Variants in PRCD observed in about 807,000 individuals in gnomAD.
PRCD encodes the protein photoreceptor disk component PRCD.
A neutral mutation model predicts 10.1 loss-of-function variants in PRCD; 12 were observed. That is an observed-to-expected ratio of 1.18 (90% CI 0.76 to 1.92). The LOEUF (loss-of-function observed/expected upper bound fraction) is 1.92. Among genes scored for constraint, PRCD ranks in the 40% most tolerant of loss-of-function variants. The pLI is 0.00. For missense variants in PRCD, 61 were observed against 72.2 expected (o/e 0.84, Z 0.56); for synonymous variants, 31 against 26.2 (o/e 1.18, Z -0.56).
Position 76,544,918 on chromosome 17 carries a change from C to T in PRCD, c.*1268C>T, listed in dbSNP as rs572748485. On this transcript the variant is annotated 3_prime_UTR_variant, in exon 5 of 5. Coordinates refer to ENST00000592014, the MANE Select transcript of PRCD (RefSeq NM_001077620.3). ...TCCACGCCACTGTTCCGAGAACCTG[C>T]GCAGGAGGTGGTGGCTGCTCCAGGG... 1.5e-5 allele frequency: 7 copies of T among 456,752 alleles called. No homozygotes were observed. Among genetic ancestry groups the T allele is most frequent in the South Asian group, 3.1e-5 (2 of 64,568 alleles). The allele number at this position is 456,752 out of a possible 1,614,324, so 28.3% of individuals were successfully genotyped here.
intron 1 of PRCD, chr17:76,527,986 C>T (rs943036770): frequency 5.5e-5 from 20 of 362,294 alleles, no homozygotes; most frequent in Non-Finnish European, 9.3e-5. Context: ...AGGTCCTCTG[C>T]GCTGCTGTGG....
Position 76,540,680 on chromosome 17 carries a change from G to A in PRCD, c.143+107G>A, listed in dbSNP as rs2289607. 10 of 1,120,658 alleles carry A rather than the reference G, an allele frequency of 8.9e-6. No homozygotes were observed. Among genetic ancestry groups the A allele is most frequent in the Admixed American group, 1.9e-5 (1 of 52,338 alleles). 69.4% of individuals were successfully genotyped at this position (1,120,658 alleles called of 1,614,324 possible). A position where few individuals can be genotyped will look rare whatever the true frequency, so the allele number is the denominator to read the frequency against. On this transcript the variant is annotated intron_variant, in intron 2 of 4. Coordinates refer to ENST00000592014, the MANE Select transcript of PRCD (RefSeq NM_001077620.3). The surrounding 1 kb of genome is among the most constrained non-coding windows in gnomAD (Gnocchi z 5.0). Reference sequence around the variant, plus strand: ...GCCTGTGCGCGCCTGTGCGTGCACCGTATCCTGGCCCTTGCCCTAAGCACC... The same window carrying A: ...GCCTGTGCGCGCCTGTGCGTGCACCATATCCTGGCCCTTGCCCTAAGCACC...
chr17:76,540,306 G>T lies in PRCD; in HGVS notation c.74+91G>T. The T allele has an allele frequency of 7.0e-7, 1 of 1,423,634 alleles. No individual in the cohort carries two copies. Among genetic ancestry groups the T allele is most frequent in the Non-Finnish European group, 9.7e-7 (1 of 1,032,556 alleles). 88.2% of individuals were successfully genotyped at this position (1,423,634 alleles called of 1,614,324 possible). A position where few individuals can be genotyped will look rare whatever the true frequency, so the allele number is the denominator to read the frequency against. On this transcript the variant is annotated intron_variant, in intron 1 of 4. Coordinates refer to ENST00000592014, the MANE Select transcript of PRCD (RefSeq NM_001077620.3). This position sits in a 1 kb window ranked among gnomAD's most constrained non-coding sequence, Gnocchi z 5.0. ...ACCAAGCTGAAGGTGGGCAGGGGCTGCGTGAACCTTCAGCGGGGCTGGGAG... is the reference window on the plus strand; with the variant it reads ...ACCAAGCTGAAGGTGGGCAGGGGCTTCGTGAACCTTCAGCGGGGCTGGGAG...
rs1236290504 is a variant in PRCD at position 76,533,951 on chromosome 17, G to A, written n.45+6118G>A. 2.0e-5 allele frequency among the ~76,000 whole-genome samples: 3 copies of A among 151,810 alleles called. No homozygotes were observed. Among genetic ancestry groups the A allele is most frequent in the Non-Finnish European group, 4.4e-5 (3 of 67,960 alleles). On this transcript the variant is annotated intron_variant and non_coding_transcript_variant, in intron 1 of 4. Coordinates refer to the PRCD transcript ENST00000397633. This position sits in a 1 kb window ranked among gnomAD's most constrained non-coding sequence, Gnocchi z 4.5. ...GAGGCTGCAGCAGGAAGATCCGATCGCATCACGAGCCCAGGATTGGAGGCT... is the reference window on the plus strand; with the variant it reads ...GAGGCTGCAGCAGGAAGATCCGATCACATCACGAGCCCAGGATTGGAGGCT...
intron 3 of PRCD, 57 bp from the exon 4 acceptor site, chr17:76,542,972 C>G: frequency 2.0e-6 from 1 of 499,034 alleles, no homozygotes; most frequent in Non-Finnish European, 4.1e-6. Context: ...CTCTGAAATG[C>G]GAGTCCCATC....
At chr17:76,539,636 T>G (rs2143136610), upstream of PRCD, among the ~76,000 whole-genome samples, 1 of 152,348 alleles carries the variant, frequency 6.6e-6, no homozygotes, top group East Asian at 1.9e-4. Flanking sequence ...TACTGGCAGA[T>G]GCTCCATGCT....
downstream of PRCD, among the ~76,000 whole-genome samples, chr17:76,547,623 C>T (rs1206717356): frequency 2.1e-5 from 3 of 144,626 alleles, no homozygotes; most frequent in East Asian, 6.1e-4. Flanking sequence ...AATCCTGTCC[C>T]TATGTGAACA....
chr17:76,543,776 G>C (rs868115502), intron 4 of PRCD, 27 bp from the exon 5 acceptor site: 5 of 470,448 alleles, frequency 1.1e-5, no homozygotes, highest in Middle Eastern at 3.8e-4. Context: ...AGTGGCACTC[G>C]CTTTTGTGTC....
chr17:76,542,717 G>A (rs1234378959), intron 3 of PRCD, 84 bp downstream of exon 3: 4 of 846,404 alleles, frequency 4.7e-6, no homozygotes, highest in Non-Finnish European at 8.0e-6. Flanking sequence ...GGCCATGTGG[G>A]AGGATAGCAG....
upstream of PRCD, chr17:76,537,377 C>G (rs1212016633): frequency 4.4e-6 from 7 of 1,574,052 alleles, no homozygotes; most frequent in Middle Eastern, 1.7e-4. Context: ...GCCCAGGGCC[C>G]GGCCGGGCCG....
At position 76,531,261 on chromosome 17, in the gene PRCD, C is replaced by T. The variant is rs946079788; in HGVS notation, n.45+3428C>T. 7.9e-7 allele frequency: 1 copy of T among 1,273,320 alleles called. No individual in the cohort carries two copies. Among genetic ancestry groups the T allele is most frequent in the Non-Finnish European group, 1.1e-6 (1 of 921,462 alleles). 78.9% of individuals were successfully genotyped at this position (1,273,320 alleles called of 1,614,324 possible). A position where few individuals can be genotyped will look rare whatever the true frequency, so the allele number is the denominator to read the frequency against. ...CATTCCTAACGCAACAGTCTGGCAG[C>T]TTTGGGAACCCCGTGCTCTCAGGAC... On this transcript the variant is annotated intron_variant and non_coding_transcript_variant, in intron 1 of 4. Coordinates refer to the PRCD transcript ENST00000397633. This position sits in a 1 kb window ranked among gnomAD's most constrained non-coding sequence, Gnocchi z 7.4.
Position 76,540,684 on chromosome 17 carries a change from C to G in PRCD, c.143+111C>G. The stretch of plus-strand genomic sequence containing the variant: ...GTGCGCGCCTGTGCGTGCACCGTAT[C>G]CTGGCCCTTGCCCTAAGCACCCTGC... On this transcript the variant is annotated intron_variant, in intron 2 of 4. Transcript: ENST00000592014. This position sits in a 1 kb window ranked among gnomAD's most constrained non-coding sequence, Gnocchi z 5.0. The G allele has an allele frequency of 9.2e-7, 1 of 1,086,370 alleles. No homozygotes were observed. The highest frequency in any genetic ancestry group is 1.4e-6 in the Non-Finnish European group (1 of 721,198). 67.3% of individuals were successfully genotyped at this position (1,086,370 alleles called of 1,614,324 possible).
intron 1 of PRCD, chr17:76,532,212 A>C: frequency 6.4e-6 from 1 of 155,890 alleles, no homozygotes. Context: ...ACTGTCCCCC[A>C]CCCGCTTCTT....
intron 1 of PRCD, chr17:76,552,879 A>ATATATATATATATATAT (rs1326311445): frequency 9.3e-6 from 1 of 107,526 alleles, no homozygotes; most frequent in Non-Finnish European, 1.9e-5. Context: ...AAAAAAAAAA[A>ATATATATATATATATAT]AAATATATAT....
upstream of PRCD, among the ~76,000 whole-genome samples, chr17:76,539,345 C>T (rs780634074): frequency 3.9e-5 from 6 of 152,164 alleles, no homozygotes; most frequent in East Asian, 1.9e-4. Context: ...GTAATATAGT[C>T]GTATGGTGTA....
downstream of PRCD, chr17:76,546,937 G>C (rs573322672): frequency 6.6e-6 from 1 of 152,348 alleles, no homozygotes; most frequent in South Asian, 2.1e-4. This position sits in a 1 kb window ranked among gnomAD's most constrained non-coding sequence, Gnocchi z 4.5. Context: ...TGGGAAATCT[G>C]ACACCAAAGC....
chr17:76,530,142 G>GAA lies in PRCD; in HGVS notation n.45+2309_45+2310insAA. On this transcript the variant is annotated intron_variant and non_coding_transcript_variant, in intron 1 of 4. Coordinates refer to the PRCD transcript ENST00000397633. This position sits in a 1 kb window ranked among gnomAD's most constrained non-coding sequence, Gnocchi z 6.1. The stretch of plus-strand genomic sequence containing the variant: ...CCACGGGAATGTTTCTCTACCACGC[G>GAA]TGTCCCGGGCTGCTGGCTGACCTCT... 5.8e-5 allele frequency: 56 copies of GAA among 965,324 alleles called. No homozygotes were observed. The highest frequency in any genetic ancestry group is 6.5e-5 in the Non-Finnish European group (53 of 811,734). 59.8% of individuals were successfully genotyped at this position (965,324 alleles called of 1,614,324 possible).
chr17:76,536,680 C>G (rs2074917322), upstream of PRCD, among the ~76,000 whole-genome samples: 1 of 152,148 alleles, frequency 6.6e-6, no homozygotes, highest in Admixed American at 6.5e-5. Flanking sequence ...CCCCTAAGCC[C>G]AAGCCACTGC....
At chr17:76,537,057 C>T (rs2082426819), upstream of PRCD, among the ~76,000 whole-genome samples, 2 of 152,210 alleles carry the variant, frequency 1.3e-5, no homozygotes, top group Admixed American at 1.3e-4. Context: ...GCTATACTAC[C>T]TTTGAAAGGC....
Sources: gnomAD v4.1 joint callset for allele counts (sites outside exome capture counted in the v4.1 genomes callset) on GRCh38, gnomAD v4.1.1 for gene constraint, Gnocchi (gnomAD v3.1) non-coding constraint, MANE v1.5 for transcripts, NCBI Gene and HGNC (gene_info 2026-07-23, HGNC 2026-07-21) for gene names.